ASB5: variants seen among roughly 807,000 people sequenced by gnomAD.
The protein encoded by ASB5 is ankyrin repeat and SOCS box containing 5.
Under a neutral mutation model 42.1 loss-of-function variants are expected in ASB5, and 45 were observed. That is an observed-to-expected ratio of 1.07 (90% confidence interval 0.84 to 1.37). ASB5 has a LOEUF of 1.37. ASB5 is among the 40% of genes most tolerant of loss of function. The pLI, the probability that ASB5 is intolerant of heterozygous loss-of-function variation, is 0.00. For synonymous variants in ASB5, 147 were observed against 150.6 expected (o/e 0.98, Z 0.18); for missense variants, 402 against 399.8 (o/e 1.01, Z -0.05).
intron 1 of ASB5, among the ~76,000 whole-genome samples, chr4:176,241,001 G>A (rs1006134123): frequency 1.3e-5 from 2 of 152,014 alleles, no homozygotes; most frequent in African/African-American, 2.4e-5. Context: ...ATCAACTTAC[G>A]GTTAGTCTTG....
chr4:176,268,857 G>A, intron 1 of ASB5, 56 bp downstream of exon 1: 1 of 1,348,968 alleles, frequency 7.4e-7, no homozygotes, highest in Non-Finnish European at 9.9e-7. Context: ...ATGTAATTGT[G>A]GATCAGATGA....
intron 1 of ASB5, among the ~76,000 whole-genome samples, chr4:176,259,195 G>A (rs1754211919): frequency 6.6e-6 from 1 of 152,118 alleles, no homozygotes; most frequent in South Asian, 2.1e-4. Flanking sequence ...GGATGCAACA[G>A]ATCTGCGACC....
upstream of ASB5, among the ~76,000 whole-genome samples, chr4:176,274,135 A>G (rs1338096049): frequency 6.6e-6 from 1 of 152,214 alleles, no homozygotes; most frequent in Non-Finnish European, 1.5e-5. Context: ...AACTGACAGT[A>G]AAGAAATAGC....
intron 1 of ASB5, among the ~76,000 whole-genome samples, chr4:176,234,387 G>A (rs1471099563): frequency 6.6e-6 from 1 of 152,030 alleles, no homozygotes; most frequent in Non-Finnish European, 1.5e-5. Flanking sequence ...TCCTTTCTGA[G>A]ACCCACATCA....
At chr4:176,232,997 T>C (rs1274917627) in intron 1 of ASB5, among the ~76,000 whole-genome samples, 1 of 152,224 alleles carries the variant, frequency 6.6e-6, no homozygotes, top group Non-Finnish European at 1.5e-5. Context: ...TTACTAGTTA[T>C]GTGACCTTTG....
rs1052265578 is a variant in ASB5, at chr4:176,221,475, G to A, written c.510C>T (p.Ser170=). The A allele has an allele frequency of 6.2e-7, 1 of 1,613,928 alleles. No individual in the cohort carries two copies. The highest frequency in any genetic ancestry group is 8.5e-7 in the Non-Finnish European group (1 of 1,179,954). Residue 170 remains serine, a synonymous_variant, in exon 4 of 7, where the codon TCC becomes TCT. Coordinates refer to ENST00000296525, the MANE Select transcript of ASB5 (RefSeq NM_080874.4). ...AKAQLESCLP[S]PTHEAASKGH... ...CTTTACTGGCGGCCTCATGCGTTGG[G>A]GATGGAAGACATGACTCCAGCTGGG...
chr4:176,247,592 T>G (rs1753936155), intron 1 of ASB5, among the ~76,000 whole-genome samples: 1 of 152,188 alleles, frequency 6.6e-6, no homozygotes, highest in Non-Finnish European at 1.5e-5. Flanking sequence ...GAACCCACTT[T>G]CCAATACATG....
At chr4:176,260,020 A>T (rs1420732387) in intron 1 of ASB5, among the ~76,000 whole-genome samples, 1 of 152,224 alleles carries the variant, frequency 6.6e-6, no homozygotes, top group East Asian at 1.9e-4. Context: ...TTTCGAAAGG[A>T]TATTCAGCTA....
chr4:176,215,752 G>T, intron 6 of ASB5, 25 bp from the exon 7 acceptor site: 1 of 1,587,030 alleles, frequency 6.3e-7, no homozygotes, highest in Non-Finnish European at 8.6e-7. Context: ...GAATCTATTT[G>T]TTAATTAAAA....
intron 1 of ASB5, among the ~76,000 whole-genome samples, chr4:176,254,341 G>A (rs905244319): frequency 6.6e-6 from 1 of 152,114 alleles, no homozygotes; most frequent in African/African-American, 2.4e-5. Context: ...AATGATTCTG[G>A]AATAGCTGGC....
At chr4:176,256,489 C>A (rs1754160093) in intron 1 of ASB5, among the ~76,000 whole-genome samples, 1 of 152,132 alleles carries the variant, frequency 6.6e-6, no homozygotes, top group South Asian at 2.1e-4. Flanking sequence ...CATAAGGCTC[C>A]AGATAATTCA....
At chr4:176,222,289 A>G in intron 3 of ASB5, 24 bp downstream of exon 3, 1 of 1,562,670 alleles carries the variant, frequency 6.4e-7, no homozygotes, top group Non-Finnish European at 8.8e-7. Context: ...ATGTTAAATG[A>G]TTAATGTTTT....
rs143543448 is a variant in ASB5, at chr4:176,216,858, C to T, written c.822G>A (p.Thr274=). The T allele has an allele frequency of 1.6e-4, 256 of 1,612,048 alleles. No homozygotes were observed. Among genetic ancestry groups the T allele is most frequent in the Non-Finnish European group, 1.8e-4 (215 of 1,179,532 alleles). ...ATATCCTTTCCACCATACTGCTAGA[C>T]GTAGCTACATCTATAGGTCGCAGAA... ...TELLRPIDVA[T]SSSMVERILL... Residue 274 remains threonine (T), a synonymous_variant, in exon 6 of 7, where the codon ACG becomes ACA. Coordinates refer to ENST00000296525, the MANE Select transcript of ASB5 (RefSeq NM_080874.4).
In ASB5 at chr4:176,249,958, G is replaced by A. The variant is rs531003022; in HGVS notation, c.196+18955C>T. 1.9e-4 allele frequency among the ~76,000 whole-genome samples: 29 copies of A among 151,736 alleles called. 1 individual carries two copies. In the East Asian group the frequency reaches 5.3e-3, roughly 28 times the overall value. ...CGGGCGCCTGTAGTCCCAGCTACTC[G>A]GGAGGCTGAGGCAGGAGAATGACAT... is the stretch of plus-strand genomic sequence containing the variant. On this transcript the variant is annotated intron_variant, in intron 1 of 6. Transcript: ENST00000296525.
In ASB5 at chr4:176,261,335, T is replaced by C. The variant is rs559148424; in HGVS notation, c.196+7578A>G. 2.6e-5 allele frequency among the ~76,000 whole-genome samples: 4 copies of C among 152,322 alleles called. No homozygotes were observed. In the South Asian group the frequency reaches 8.3e-4, roughly 32 times the overall value. The stretch of plus-strand genomic sequence containing the variant: ...GTATTTTGTAAAATATTTATGGTGG[T>C]AATTATTTCCGTCATTAGCTAGCGA... On this transcript the variant is annotated intron_variant, in intron 1 of 6. Coordinates refer to ENST00000296525, the MANE Select transcript of ASB5 (RefSeq NM_080874.4).
rs761591211 is a variant in ASB5, at chr4:176,221,214, G to A, written c.611C>T (p.Pro204Leu). The change falls in exon 5 of 7, where the codon CCT becomes CTT. Residue 204 changes from proline to leucine, a missense_variant. Physicochemically the swap from Pro to Leu is moderately conservative, Grantham distance 98. Transcript: ENST00000296525. ...CTGTGACATACAAGCTACATAGAGA[G>A]GAGTTCCCAAATGAGGAATTTCTTG... ...VDQEIPHLGTPLYVACMSQQF... is the reference protein window; with the variant it reads ...VDQEIPHLGTLLYVACMSQQF... 2.2e-5 allele frequency: 36 copies of A among 1,614,012 alleles called. No homozygotes were observed. The highest frequency in any genetic ancestry group is 6.7e-5 in the African/African-American group (5 of 74,906).
intron 1 of ASB5, among the ~76,000 whole-genome samples, chr4:176,261,728 T>G (rs1754270902): frequency 6.6e-6 from 1 of 152,238 alleles, no homozygotes. Flanking sequence ...GAACATCAAT[T>G]GCAAAACTTG....
chr4:176,217,112 A>T (rs1752993162), intron 5 of ASB5, 103 bp from the exon 6 acceptor site: 2 of 919,798 alleles, frequency 2.2e-6, no homozygotes, highest in African/African-American at 3.3e-5. Context: ...GAAGGTTATT[A>T]AGGGGACTTC....
At chr4:176,231,818 T>C (rs535321373) in intron 1 of ASB5, among the ~76,000 whole-genome samples, 1 of 149,610 alleles carries the variant, frequency 6.7e-6, no homozygotes, top group East Asian at 2.0e-4. Flanking sequence ...GCACTCCAGC[T>C]TGGGCAACAG....
Sources: gnomAD v4.1 joint callset for allele counts (sites outside exome capture counted in the v4.1 genomes callset) on GRCh38, gnomAD v4.1.1 for gene constraint, MANE v1.5 for transcripts, NCBI Gene and HGNC (gene_info 2026-07-23, HGNC 2026-07-21) for gene names.